STT3A: variants seen among roughly 807,000 people sequenced by gnomAD.
STT3A encodes dolichyl-diphosphooligosaccharide--protein glycosyltransferase subunit STT3A.
A neutral mutation model predicts 89.2 loss-of-function variants in STT3A; 34 were observed. The ratio of observed to expected loss-of-function variants is 0.38; its 90% CI spans 0.29 to 0.51. STT3A has a LOEUF of 0.51. Among genes scored for constraint, STT3A ranks in the 20% least tolerant of loss-of-function variants. STT3A has a pLI of 0.89. For synonymous variants in STT3A, 282 were observed against 310.3 expected (o/e 0.91, Z 0.96); for missense variants, 555 against 889.5 (o/e 0.62, Z 4.78).
intron 2 of STT3A, among the ~76,000 whole-genome samples, chr11:125,596,316 C>G (rs182869873): frequency 2.0e-5 from 3 of 152,160 alleles, no homozygotes; most frequent in African/African-American, 7.2e-5. Context: ...AATACAAAAA[C>G]TAGTTGAGTG....
intron 3 of STT3A, 134 bp downstream of exon 3, chr11:125,597,253 T>G: frequency 1.1e-6 from 1 of 885,066 alleles, no homozygotes. Context: ...AAAAAACCCT[T>G]AAATTCTTCC....
chr11:125,609,516 T>C lies in STT3A; in HGVS notation c.1044T>C (p.Ser348=), dbSNP rs1939939165. The change falls in exon 10 of 18, where the codon TCT becomes TCC. Residue 348 remains serine, a synonymous_variant. Coordinates refer to ENST00000392708, the MANE Select transcript of STT3A (RefSeq NM_152713.5). ...YAKNNIPIIA[S]VSEHQPTTWS... is the part of the protein sequence containing the mutation. ...AGAACAACATCCCCATCATTGCTTC[T>C]GTGTCTGAGCATCAGCCCACAACCT... 1 of 1,614,092 alleles carries C rather than the reference T, an allele frequency of 6.2e-7. No individual in the cohort carries two copies. The highest frequency in any genetic ancestry group is 1.7e-5 in the Admixed American group (1 of 59,994).
In STT3A at chr11:125,613,769, G is replaced by T. The variant is rs979607813; in HGVS notation, c.1555-318G>T. On this transcript the variant is annotated intron_variant, in intron 13 of 17. Transcript: ENST00000392708. The surrounding 1 kb of genome is among the most constrained non-coding windows in gnomAD (Gnocchi z 4.2). Reference sequence around the variant, plus strand: ...TGTTAAAAGGTTATTTAAGAAAATTGTCTAATGACACTAGGCTATTGATGT... The same window carrying T: ...TGTTAAAAGGTTATTTAAGAAAATTTTCTAATGACACTAGGCTATTGATGT... The T allele has an allele frequency of 4.8e-5, 10 of 207,014 alleles. No homozygotes were observed. Among genetic ancestry groups the T allele is most frequent in the African/African-American group, 1.9e-4 (8 of 43,002 alleles). The allele number at this position is 207,014 out of a possible 1,614,324, so 12.8% of individuals were successfully genotyped here.
At chr11:125,605,829 G>T in intron 7 of STT3A, 94 bp downstream of exon 7, 2 of 1,080,036 alleles carry the variant, frequency 1.9e-6, no homozygotes, top group East Asian at 2.5e-5. Flanking sequence ...TTTTCTGGTA[G>T]GTTCCCCTAA....
intron 6 of STT3A, among the ~76,000 whole-genome samples, chr11:125,605,137 GAA>G (rs57173218): frequency 6.8e-6 from 1 of 146,154 alleles, no homozygotes; most frequent in Non-Finnish European, 1.5e-5. Context: ...ATTTTTTTAA[GAA>G]AAAAAAAAAG....
At chr11:125,608,395 A>T in intron 9 of STT3A, 106 bp downstream of exon 9, 2 of 1,128,264 alleles carry the variant, frequency 1.8e-6, no homozygotes, top group Non-Finnish European at 2.4e-6. Context: ...GCTCACTGCA[A>T]CCTCCACCTC....
chr11:125,594,582 C>CAAA (rs34558992), intron 1 of STT3A, among the ~76,000 whole-genome samples: 1,290 of 92,108 alleles, frequency 0.014, 40 homozygotes, highest in Non-Finnish European at 0.017. Context: ...GACTCCGTCT[C>CAAA]AAAAAAAAAA....
chr11:125,607,990 T>C (rs1486920012), intron 8 of STT3A, 119 bp from the exon 9 acceptor site: 2 of 1,095,852 alleles, frequency 1.8e-6, no homozygotes, highest in African/African-American at 1.6e-5. Flanking sequence ...CCTGATTCCT[T>C]CGGGGCCTCA....
Position 125,622,346 on chromosome 11 carries a change from A to G in STT3A, c.*1536A>G, listed in dbSNP as rs897227697. Reference sequence around the variant, plus strand: ...GATTTGATTTACTATATGTAAGTACATTACTTGATTTCTATAAAGAATCTT... The same window carrying G: ...GATTTGATTTACTATATGTAAGTACGTTACTTGATTTCTATAAAGAATCTT... On this transcript the variant is annotated 3_prime_UTR_variant, in exon 18 of 18. Transcript: ENST00000392708. 2.0e-5 allele frequency: 3 copies of G among 152,210 alleles called. No individual in the cohort carries two copies. Among genetic ancestry groups the G allele is most frequent in the African/African-American group, 4.8e-5 (2 of 41,444 alleles). 9.4% of individuals were successfully genotyped at this position (152,210 alleles called of 1,614,324 possible). A position where few individuals can be genotyped will look rare whatever the true frequency, so the allele number is the denominator to read the frequency against.
At chr11:125,597,992 T>A (rs2135906396) in intron 3 of STT3A, among the ~76,000 whole-genome samples, 1 of 152,192 alleles carries the variant, frequency 6.6e-6, no homozygotes, top group East Asian at 1.9e-4. Context: ...GGCGGGCAGA[T>A]CACAAGGTCA....
intron 2 of STT3A, 56 bp from the exon 3 acceptor site, chr11:125,597,003 C>T: frequency 1.3e-6 from 2 of 1,557,066 alleles, no homozygotes; most frequent in Admixed American, 1.7e-5. Flanking sequence ...AATACTATAT[C>T]TGCTGTTCTT....
chr11:125,593,800 A>T (rs577664625), intron 1 of STT3A: 1 of 152,332 alleles, frequency 6.6e-6, no homozygotes, highest in South Asian at 2.1e-4. Context: ...TATGGAGAAC[A>T]TGCTTGACTT....
At chr11:125,620,632 A>G (rs1940320130) in intron 17 of STT3A, 140 bp from the exon 18 acceptor site, 1 of 691,580 alleles carries the variant, frequency 1.4e-6, no homozygotes, top group Non-Finnish European at 2.5e-6. Flanking sequence ...GTCTCTAGTC[A>G]GTGCTTGTGT....
chr11:125,614,269 A>ACT lies in STT3A; in HGVS notation c.1672-55_1672-54insCT. 14 of 1,612,488 alleles carry ACT rather than the reference A, an allele frequency of 8.7e-6. No individual in the cohort carries two copies. In the South Asian group the frequency reaches 1.4e-4, roughly 16 times the overall value. Reference sequence around the variant, plus strand: ...GTCTAATGGGAAATGTGTCTGCATGAGGGGATCATATGACTTGGGATTTTG... The same window carrying ACT: ...GTCTAATGGGAAATGTGTCTGCATGACTGGGGATCATATGACTTGGGATTTTG... On this transcript the variant is annotated intron_variant, in intron 14 of 17. Transcript: ENST00000392708. This position sits in a 1 kb window ranked among gnomAD's most constrained non-coding sequence, Gnocchi z 4.9.
Position 125,612,717 on chromosome 11 carries a change from A to G in STT3A, c.1335A>G (p.Gln445=), listed in dbSNP as rs1940062885. 2.5e-6 allele frequency: 4 copies of G among 1,614,196 alleles called. No individual in the cohort carries two copies. The highest frequency in any genetic ancestry group is 3.4e-6 in the Non-Finnish European group (4 of 1,180,034). Residue 445 remains glutamine (Q), a synonymous_variant, in exon 12 of 18, where the codon CAA becomes CAG. Transcript: ENST00000392708. ...GTCCAGACAAGAAGAGCAAGAAGCA[A>G]CAGGATTCCACCTACCCTATTAAGA... ...ISRPDKKSKK[Q]QDSTYPIKNE...
In STT3A at chr11:125,614,703, A is replaced by G. The variant is rs911639256; in HGVS notation, c.1774+277A>G. Among the ~76,000 whole-genome samples the G allele has an allele frequency of 2.0e-5, 3 of 152,136 alleles. No homozygotes were observed. The highest frequency in any genetic ancestry group is 7.2e-5 in the African/African-American group (3 of 41,440). On this transcript the variant is annotated intron_variant, in intron 15 of 17. Coordinates refer to ENST00000392708, the MANE Select transcript of STT3A (RefSeq NM_152713.5). This position sits in a 1 kb window ranked among gnomAD's most constrained non-coding sequence, Gnocchi z 4.9. ...ACAACCAGTAATAAAACCAAGCTGA[A>G]TATAAGGCTCATGACAATGAACTTA...
chr11:125,619,696 T>C (rs1940290890), intron 16 of STT3A, among the ~76,000 whole-genome samples: 1 of 152,198 alleles, frequency 6.6e-6, no homozygotes, highest in Admixed American at 6.5e-5. Flanking sequence ...CTCTGATCCA[T>C]GCAAGGGTTG....
At chr11:125,611,216 T>G in intron 10 of STT3A, 3 of 415,570 alleles carry the variant, frequency 7.2e-6, no homozygotes, top group Non-Finnish European at 1.3e-5. Context: ...TTTTTGGACA[T>G]TTGGGTTGTT....
chr11:125,620,629 G>C, intron 17 of STT3A, 143 bp from the exon 18 acceptor site: 1 of 684,102 alleles, frequency 1.5e-6, no homozygotes, highest in South Asian at 1.8e-5. Flanking sequence ...CTAGTCTCTA[G>C]TCAGTGCTTG....
Sources: allele counts gnomAD v4.1 joint callset (sites outside exome capture counted in the v4.1 genomes callset), GRCh38; gene constraint gnomAD v4.1.1; non-coding constraint Gnocchi (gnomAD v3.1); transcripts MANE v1.5; gene names NCBI Gene and HGNC (gene_info 2026-07-23, HGNC 2026-07-21).